CD6: variants seen among roughly 807,000 people sequenced by gnomAD.
CD6 encodes the protein T-cell differentiation antigen CD6.
Under a neutral mutation model 75.3 loss-of-function variants are expected in CD6, and 53 were observed. That is an observed-to-expected ratio of 0.70 (90% CI 0.56 to 0.88). The LOEUF is 0.88. Among genes scored for constraint, CD6 ranks in the 40% least tolerant of loss-of-function variants. The pLI is 0.00. For synonymous variants in CD6, 359 were observed against 381.5 expected, an observed-to-expected ratio of 0.94 and a Z score of 0.69; for missense variants, 770 against 897.1, an observed-to-expected ratio of 0.86 and a Z score of 1.81.
At chr11:61,001,610 T>C (rs971032444) in intron 1 of CD6, among the ~76,000 whole-genome samples, 3 of 152,238 alleles carry the variant, frequency 2.0e-5, no homozygotes, top group East Asian at 3.8e-4. Context: ...TAGGTTTTAA[T>C]ATCTTCTTAT....
At chr11:61,011,014 C>T in intron 5 of CD6, 56 bp from the exon 6 acceptor site, 2 of 1,498,580 alleles carry the variant, frequency 1.3e-6, no homozygotes, top group South Asian at 1.1e-5. Context: ...CAAGGCCTGG[C>T]ACACAGTAGG....
intron 6 of CD6, among the ~76,000 whole-genome samples, chr11:61,013,020 T>C (rs1286495096): frequency 6.6e-6 from 1 of 152,190 alleles, no homozygotes; most frequent in African/African-American, 2.4e-5. Context: ...GGGTTACTTA[T>C]TGATCTCTCC....
intron 7 of CD6, among the ~76,000 whole-genome samples, 157 bp from the exon 8 acceptor site, chr11:61,013,762 G>C (rs933929188): frequency 6.6e-6 from 1 of 152,230 alleles, no homozygotes; most frequent in Non-Finnish European, 1.5e-5. Flanking sequence ...ATGTGTGTGT[G>C]TGCCTGTGTT....
chr11:61,013,081 C>T (rs971741077), intron 6 of CD6, among the ~76,000 whole-genome samples: 1 of 152,130 alleles, frequency 6.6e-6, no homozygotes, highest in African/African-American at 2.4e-5. Context: ...ATGTGTAGCC[C>T]CAGGGTCTAG....
chr11:60,978,491 G>A (rs1394088919), intron 1 of CD6, among the ~76,000 whole-genome samples: 2 of 152,174 alleles, frequency 1.3e-5, no homozygotes, highest in African/African-American at 4.8e-5. Context: ...ACTAGCTCTG[G>A]TCCTAACTTG....
chr11:61,012,411 C>A (rs1326541900), intron 6 of CD6, among the ~76,000 whole-genome samples: 1 of 152,256 alleles, frequency 6.6e-6, no homozygotes, highest in Admixed American at 6.5e-5. Context: ...CCCAGCCTCA[C>A]TCTCACATCT....
At chr11:61,011,906 G>T (rs1055025152) in intron 6 of CD6, among the ~76,000 whole-genome samples, 16 of 152,344 alleles carry the variant, frequency 1.1e-4, no homozygotes, top group Non-Finnish European at 1.5e-4. Context: ...TCCTAGCATT[G>T]CTGTGAGGCT....
chr11:61,009,496 C>A, intron 4 of CD6, 76 bp from the exon 5 acceptor site: 1 of 1,352,584 alleles, frequency 7.4e-7, no homozygotes, highest in Non-Finnish European at 9.9e-7. Flanking sequence ...GGTGCCTGCA[C>A]TGGTGGGTCT....
Position 61,017,464 on chromosome 11 carries a change from C to T in CD6, c.1511-15C>T, listed in dbSNP as rs138020433. 4.2e-4 allele frequency: 657 copies of T among 1,546,382 alleles called. 7 individuals carry two copies. The East Asian group carries it at 0.014, about 32-fold the overall frequency. ...TTGAGCCTTCACCCCTCCCCACCAC[C>T]GCCTCTGCTTGCAGATTCCCAGCGG... is the stretch of plus-strand genomic sequence containing the variant. On this transcript the variant is annotated splice_polypyrimidine_tract_variant and intron_variant, in intron 9 of 12. Transcript: ENST00000313421.
At chr11:60,984,554 C>T (rs911712548) in intron 1 of CD6, among the ~76,000 whole-genome samples, 1 of 152,192 alleles carries the variant, frequency 6.6e-6, no homozygotes, top group African/African-American at 2.4e-5. Flanking sequence ...TTTTTTCAGC[C>T]ACTGAGGATA....
intron 8 of CD6, 56 bp from the exon 9 acceptor site, chr11:61,015,657 C>T (rs1859363949): frequency 1.2e-6 from 2 of 1,606,160 alleles, no homozygotes; most frequent in South Asian, 2.2e-5. Context: ...TACCATCCCT[C>T]CCTACACCTT....
At chr11:61,015,126 G>A (rs527410669) in intron 8 of CD6, among the ~76,000 whole-genome samples, 77 of 151,716 alleles carry the variant, frequency 5.1e-4, no homozygotes, top group Admixed American at 3.6e-3. Flanking sequence ...GTTATCATGA[G>A]GGTTAAATGA....
In CD6 at chr11:61,005,931, CAAA is replaced by C. The variant is rs11461659; in HGVS notation, c.50-632_50-630del. ...GGGCAACAAGAGCGAAACTCTGTCT[CAAA>C]AAAAAAAAAAGAAAGAAAGAAAGAA... On this transcript the variant is annotated intron_variant, in intron 1 of 12. Transcript: ENST00000313421. 2.9e-5 allele frequency among the ~76,000 whole-genome samples: 4 copies of C among 137,950 alleles called. No homozygotes were observed. The South Asian group carries it at 6.8e-4, about 24-fold the overall frequency. 90.5% of individuals were successfully genotyped at this position (137,950 alleles called of 152,430 possible).
chr11:61,001,501 G>A (rs1047078287), intron 1 of CD6, among the ~76,000 whole-genome samples: 5 of 152,028 alleles, frequency 3.3e-5, no homozygotes, highest in East Asian at 1.9e-4. Flanking sequence ...GTGCCTGGCC[G>A]ATGATGTGTC....
At position 61,008,433 on chromosome 11, in the gene CD6, G is replaced by A; in HGVS notation, c.470-101G>A. The A allele has an allele frequency of 3.4e-6, 4 of 1,172,238 alleles. No homozygotes were observed. In the South Asian group the frequency reaches 6.1e-5, roughly 18 times the overall value. The allele number at this position is 1,172,238 out of a possible 1,614,324, so 72.6% of individuals were successfully genotyped here. Reference sequence around the variant, plus strand: ...TACCGGGCTACAGCCCTCTCACTGGGTCCACAACACGCTCACAACTCTCCG... The same window carrying A: ...TACCGGGCTACAGCCCTCTCACTGGATCCACAACACGCTCACAACTCTCCG... On this transcript the variant is annotated intron_variant, in intron 3 of 12. Coordinates refer to ENST00000313421, the MANE Select transcript of CD6 (RefSeq NM_006725.5).
At chr11:60,984,863 T>C (rs1857738701) in intron 1 of CD6, among the ~76,000 whole-genome samples, 1 of 152,072 alleles carries the variant, frequency 6.6e-6, no homozygotes, top group South Asian at 2.1e-4. Context: ...TTCAGACTGA[T>C]GGAGGAGTGA....
chr11:61,019,183 C>T, intron 12 of CD6, 71 bp from the exon 13 acceptor site: 1 of 1,206,738 alleles, frequency 8.3e-7, no homozygotes, highest in Non-Finnish European at 1.2e-6. Flanking sequence ...GCCAGAACCA[C>T]TCAGCTCCGT....
intron 1 of CD6, among the ~76,000 whole-genome samples, chr11:60,972,655 C>T (rs1857230186): frequency 6.6e-6 from 1 of 152,118 alleles, no homozygotes; most frequent in African/African-American, 2.4e-5. Context: ...CTGACCCCAT[C>T]GAGCTCTCAC....
chr11:60,989,732 A>G (rs1358924696), intron 1 of CD6, among the ~76,000 whole-genome samples: 1 of 152,032 alleles, frequency 6.6e-6, no homozygotes, highest in Non-Finnish European at 1.5e-5. Context: ...AGCCCAGGAA[A>G]CCCTCTTTCT....
Sources: gnomAD v4.1 joint callset for allele counts (sites outside exome capture counted in the v4.1 genomes callset) on GRCh38, gnomAD v4.1.1 for gene constraint, MANE v1.5 for transcripts, NCBI Gene and HGNC (gene_info 2026-07-23, HGNC 2026-07-21) for gene names.